The following EYA4 variants were observed in gnomAD, a reference collection of about 807,000 sequenced individuals.
EYA4 encodes EYA transcriptional coactivator and phosphatase 4.
Under a neutral mutation model 87.9 loss-of-function variants are expected in EYA4, and 31 were observed. That is an observed-to-expected ratio of 0.35 (90% CI 0.27 to 0.48). The LOEUF (loss-of-function observed/expected upper bound fraction) is 0.48, where lower values mean the gene tolerates loss of function less well. Ranked by LOEUF, EYA4 falls within the 20% of genes least tolerant of loss-of-function variation. The probability of loss-of-function intolerance (pLI) is 0.99; values close to 1 mark genes in which losing one functional copy is unlikely to be tolerated. For missense variants in EYA4, 678 were observed against 761.4 expected, an observed-to-expected ratio of 0.89 and a Z score of 1.29; for synonymous variants, 263 against 270.6, an observed-to-expected ratio of 0.97 and a Z score of 0.28.
chr6:133,331,503 C>T (rs949591332), intron 2 of EYA4, among the ~76,000 whole-genome samples: 3 of 152,142 alleles, frequency 2.0e-5, no homozygotes, highest in Non-Finnish European at 4.4e-5. Flanking sequence ...GTAATGAAAT[C>T]TTCTGTAATG....
intron 2 of EYA4, among the ~76,000 whole-genome samples, chr6:133,301,307 G>T (rs1186183924): frequency 6.6e-6 from 1 of 152,156 alleles, no homozygotes; most frequent in African/African-American, 2.4e-5. Context: ...TTATATGATT[G>T]TATTAATAAC....
intron 3 of EYA4, among the ~76,000 whole-genome samples, chr6:133,420,377 G>C (rs1268693100): frequency 1.3e-5 from 2 of 152,124 alleles, no homozygotes; most frequent in Non-Finnish European, 2.9e-5. Context: ...ACAATATGTT[G>C]CATTTGCATA....
chr6:133,249,616 C>T (rs762625088), intron 1 of EYA4, among the ~76,000 whole-genome samples: 1 of 152,222 alleles, frequency 6.6e-6, no homozygotes, highest in Non-Finnish European at 1.5e-5. Flanking sequence ...TGGAAAACTG[C>T]AGTTCTCAAA....
At chr6:133,407,280 G>A (rs567106954) in intron 3 of EYA4, among the ~76,000 whole-genome samples, 20 of 140,578 alleles carry the variant, frequency 1.4e-4, no homozygotes, top group Non-Finnish European at 2.6e-4. Flanking sequence ...GGAAGGAAAC[G>A]TATTTATCGA....
At chr6:133,424,398 G>T (rs2128568122) in intron 3 of EYA4, among the ~76,000 whole-genome samples, 1 of 152,248 alleles carries the variant, frequency 6.6e-6, no homozygotes, top group Non-Finnish European at 1.5e-5. Context: ...TTCTGCTCAA[G>T]AATCAGTCTG....
At chr6:133,294,360 T>C (rs5025271) in intron 2 of EYA4, among the ~76,000 whole-genome samples, 18,765 of 148,684 alleles carry the variant, frequency 0.13, 1,526 homozygotes, top group Non-Finnish European at 0.18. Context: ...TTTTGTTTTG[T>C]TTTTGTTTTT....
Position 133,319,228 on chromosome 6 carries a change from A to G in EYA4, c.33+44415A>G, listed in dbSNP as rs530870154. 3.2e-4 allele frequency among the ~76,000 whole-genome samples: 49 copies of G among 152,354 alleles called. No individual in the cohort carries two copies. The South Asian group carries it at 0.01, about 32-fold the overall frequency. On this transcript the variant is annotated intron_variant, in intron 2 of 19. Transcript: ENST00000355286. ...TGCTCCAAGCTTTGAGGATATTCAC[A>G]TGGTGATAGCTTTTAAAAGATAGAG...
At chr6:133,444,538 C>A (rs891896239) in intron 3 of EYA4, among the ~76,000 whole-genome samples, 1 of 152,112 alleles carries the variant, frequency 6.6e-6, no homozygotes, top group African/African-American at 2.4e-5. Flanking sequence ...GATTCAGAGA[C>A]GTTGATCTGT....
chr6:133,489,745 T>G (rs938389493), intron 13 of EYA4, among the ~76,000 whole-genome samples: 4 of 152,190 alleles, frequency 2.6e-5, no homozygotes, highest in Admixed American at 2.0e-4. Flanking sequence ...GGATTTATCC[T>G]ACCAGAAATG....
chr6:133,482,080 T>TTATA (rs1306117496), intron 12 of EYA4, among the ~76,000 whole-genome samples: 3 of 152,234 alleles, frequency 2.0e-5, no homozygotes, highest in Non-Finnish European at 4.4e-5. Context: ...GAAAATTTCA[T>TTATA]TATATGTCAC....
intron 14 of EYA4, among the ~76,000 whole-genome samples, chr6:133,511,924 T>C (rs1799180761): frequency 6.6e-6 from 1 of 151,186 alleles, no homozygotes; most frequent in Non-Finnish European, 1.5e-5. Flanking sequence ...GAGCTTGCAG[T>C]GAGCCGAGAT....
chr6:133,421,816 T>C (rs1294340276), intron 3 of EYA4, among the ~76,000 whole-genome samples: 1 of 152,214 alleles, frequency 6.6e-6, no homozygotes, highest in Non-Finnish European at 1.5e-5. Flanking sequence ...AGCCGTATAC[T>C]TCCCTAGTGT....
At chr6:133,517,025 A>G (rs1427994720) in intron 17 of EYA4, among the ~76,000 whole-genome samples, 3 of 152,316 alleles carry the variant, frequency 2.0e-5, no homozygotes, top group Middle Eastern at 3.4e-3. Flanking sequence ...GCCTTTGGGT[A>G]TATACCCAGT....
chr6:133,400,180 A>T (rs780139560), intron 3 of EYA4, among the ~76,000 whole-genome samples: 9 of 152,240 alleles, frequency 5.9e-5, no homozygotes, highest in Non-Finnish European at 1.0e-4. Context: ...AAACAACACC[A>T]TTACAAAAGT....
At chr6:133,466,943 A>G (rs987485962) in intron 10 of EYA4, among the ~76,000 whole-genome samples, 1 of 152,078 alleles carries the variant, frequency 6.6e-6, no homozygotes, top group Non-Finnish European at 1.5e-5. Flanking sequence ...TGAGCAAGAA[A>G]ATTACATCAT....
At chr6:133,367,591 T>C (rs1415213673) in intron 2 of EYA4, among the ~76,000 whole-genome samples, 1 of 152,164 alleles carries the variant, frequency 6.6e-6, no homozygotes, top group Non-Finnish European at 1.5e-5. Context: ...AGCTTCACTT[T>C]TATCAGAATG....
chr6:133,496,732 G>T (rs554240563), intron 13 of EYA4, among the ~76,000 whole-genome samples: 43 of 152,262 alleles, frequency 2.8e-4, no homozygotes, highest in South Asian at 6.2e-4. Context: ...GATAATGTAC[G>T]TATATAAAAA....
chr6:133,398,828 C>T (rs189301878), intron 3 of EYA4, among the ~76,000 whole-genome samples: 2 of 152,002 alleles, frequency 1.3e-5, no homozygotes, highest in Non-Finnish European at 2.9e-5. Context: ...AGTGCCAAAT[C>T]GTATTTAGTA....
At chr6:133,467,459 T>G (rs1385502177) in intron 10 of EYA4, among the ~76,000 whole-genome samples, 1 of 152,118 alleles carries the variant, frequency 6.6e-6, no homozygotes, top group Non-Finnish European at 1.5e-5. Context: ...TGTAAACATT[T>G]GCTACCACTG....
Sources: allele counts gnomAD v4.1 joint callset (sites outside exome capture counted in the v4.1 genomes callset), GRCh38; gene constraint gnomAD v4.1.1; transcripts MANE v1.5; gene names NCBI Gene and HGNC (gene_info 2026-07-23, HGNC 2026-07-21).